Variants in SLC44A5 observed in about 807,000 individuals in gnomAD.
SLC44A5 encodes choline transporter-like protein 5.
A neutral mutation model predicts 101.8 loss-of-function variants in SLC44A5; 57 were observed. That is an observed-to-expected ratio of 0.56 (90% confidence interval 0.45 to 0.70). The LOEUF (loss-of-function observed/expected upper bound fraction) is 0.70, where lower values mean the gene tolerates loss of function less well. Among genes scored for constraint, SLC44A5 ranks in the 30% least tolerant of loss-of-function variants. The probability of loss-of-function intolerance (pLI) is 0.00; values close to 1 mark genes in which losing one functional copy is unlikely to be tolerated. For missense variants in SLC44A5, 737 were observed against 853.1 expected, an observed-to-expected ratio of 0.86 and a Z score of 1.70; for synonymous variants, 281 against 290.9, an observed-to-expected ratio of 0.97 and a Z score of 0.35.
chr1:75,716,059 A>T, the SLC44A5 span, among the ~76,000 whole-genome samples: 7 of 152,232 alleles, frequency 4.6e-5, no homozygotes, highest in Non-Finnish European at 2.9e-5. Flanking sequence ...CATATGAAAA[A>T]ATGTTCATCA....
intron 2 of SLC44A5, among the ~76,000 whole-genome samples, chr1:75,436,238 T>C (rs115224064): frequency 0.01 from 1,538 of 152,274 alleles, 5 homozygotes; most frequent in Non-Finnish European, 0.014. Context: ...TAGCAGCTAA[T>C]GTTCATAATT....
At chr1:75,510,285 T>C (rs1216034423) in intron 2 of SLC44A5, among the ~76,000 whole-genome samples, 1 of 152,092 alleles carries the variant, frequency 6.6e-6, no homozygotes, top group East Asian at 1.9e-4. Flanking sequence ...TAAGTAGACC[T>C]TGAAGAGTCC....
chr1:75,400,896 C>T (rs540351971), intron 2 of SLC44A5, among the ~76,000 whole-genome samples: 1 of 152,368 alleles, frequency 6.6e-6, no homozygotes, highest in South Asian at 2.1e-4. Flanking sequence ...CTGCTGTGCC[C>T]TGCTTGCCAA....
chr1:75,448,638 T>C (rs1228562138), intron 2 of SLC44A5, among the ~76,000 whole-genome samples: 1 of 152,162 alleles, frequency 6.6e-6, no homozygotes, highest in Non-Finnish European at 1.5e-5. Flanking sequence ...TTTCCCTCCA[T>C]TTCCACTGCC....
chr1:75,386,001 T>C (rs1414287379), intron 3 of SLC44A5, among the ~76,000 whole-genome samples: 1 of 152,102 alleles, frequency 6.6e-6, no homozygotes, highest in African/African-American at 2.4e-5. Flanking sequence ...TTTGACAAAA[T>C]TCAACAACCC....
At chr1:75,630,943 G>T in the SLC44A5 span, among the ~76,000 whole-genome samples, 1 of 143,642 alleles carries the variant, frequency 7.0e-6, no homozygotes, top group Non-Finnish European at 1.6e-5. Context: ...CCTATCCGGG[G>T]AGCCATATTC....
chr1:75,393,548 A>G (rs1661934104), intron 3 of SLC44A5, among the ~76,000 whole-genome samples: 1 of 152,192 alleles, frequency 6.6e-6, no homozygotes, highest in South Asian at 2.1e-4. Flanking sequence ...AAAATGGCAT[A>G]CTGTACTTTA....
At chr1:75,651,814 G>A in the SLC44A5 span, among the ~76,000 whole-genome samples, 1 of 151,842 alleles carries the variant, frequency 6.6e-6, no homozygotes, top group Non-Finnish European at 1.5e-5. Flanking sequence ...AGGCAGACCT[G>A]AGCAGGGCAG....
At chr1:75,679,070 T>C in the SLC44A5 span, among the ~76,000 whole-genome samples, 1 of 151,820 alleles carries the variant, frequency 6.6e-6, no homozygotes, top group Non-Finnish European at 1.5e-5. Flanking sequence ...GAAAAAAGAA[T>C]AAAAAGAAAG....
intron 9 of SLC44A5, among the ~76,000 whole-genome samples, chr1:75,240,788 G>C (rs1175867871): frequency 1.3e-5 from 2 of 151,962 alleles, no homozygotes; most frequent in Non-Finnish European, 2.9e-5. Flanking sequence ...TATATACATT[G>C]TAAGAAAGTG....
chr1:75,233,473 G>T (rs140913048), intron 12 of SLC44A5, among the ~76,000 whole-genome samples: 2 of 152,164 alleles, frequency 1.3e-5, no homozygotes, highest in African/African-American at 4.8e-5. Context: ...AGACAGTACT[G>T]TAATTCTCCA....
At chr1:75,317,339 G>A (rs1655770482) in intron 4 of SLC44A5, among the ~76,000 whole-genome samples, 1 of 152,204 alleles carries the variant, frequency 6.6e-6, no homozygotes, top group Admixed American at 6.5e-5. Context: ...ACACATGAGT[G>A]AGAAGGGAAT....
the SLC44A5 span, among the ~76,000 whole-genome samples, chr1:75,717,478 A>G: frequency 3.9e-5 from 6 of 152,160 alleles, no homozygotes; most frequent in Non-Finnish European, 8.8e-5. Context: ...GAGGGTAGGA[A>G]GAGGGAGATC....
chr1:75,404,775 G>T (rs1457856008), intron 2 of SLC44A5, among the ~76,000 whole-genome samples: 2 of 152,194 alleles, frequency 1.3e-5, no homozygotes, highest in Non-Finnish European at 2.9e-5. Flanking sequence ...ACATTATGAA[G>T]ACACTACATC....
chr1:75,587,863 T>A (rs1051867823), intron 1 of SLC44A5, among the ~76,000 whole-genome samples: 5 of 152,100 alleles, frequency 3.3e-5, no homozygotes, highest in Non-Finnish European at 7.4e-5. Context: ...CAACACAACC[T>A]CTTGGAGGTT....
chr1:75,701,417 C>A, the SLC44A5 span, among the ~76,000 whole-genome samples: 1 of 152,178 alleles, frequency 6.6e-6, no homozygotes, highest in Non-Finnish European at 1.5e-5. Context: ...ATATGATTAT[C>A]TCAATAGATG....
At chr1:75,685,812 G>A in the SLC44A5 span, among the ~76,000 whole-genome samples, 39,719 of 151,948 alleles carry the variant, frequency 0.26, 6,452 homozygotes, top group East Asian at 0.68. Context: ...CCACTCTTCT[G>A]TGGTACCAAT....
chr1:75,712,713 A>AAAAGAAAAAAAAAAAAAAAAAAAAAAAAC, the SLC44A5 span, among the ~76,000 whole-genome samples: 1 of 110,642 alleles, frequency 9.0e-6, no homozygotes. Context: ...AAAAAAAAAA[A>AAAAGAAAAAAAAAAAAAAAAAAAAAAAAC]ATGGAAAAGA....
the SLC44A5 span, chr1:75,677,879 C>T: frequency 9.0e-6 from 3 of 333,920 alleles, no homozygotes; most frequent in Non-Finnish European, 5.7e-6. Flanking sequence ...GAGTGCCAGA[C>T]AGTGGGCGCA....
Sources: allele counts gnomAD v4.1 joint callset (sites outside exome capture counted in the v4.1 genomes callset), GRCh38; gene constraint gnomAD v4.1.1; transcripts MANE v1.5; gene names NCBI Gene and HGNC (gene_info 2026-07-23, HGNC 2026-07-21).